SYN3: variants seen among roughly 807,000 people sequenced by gnomAD.
SYN3 encodes synapsin-3.
Under a neutral mutation model 65.8 loss-of-function variants are expected in SYN3, and 35 were observed. The observed-to-expected ratio is 0.53, with a 90% CI of 0.41 to 0.70. SYN3 has a LOEUF of 0.70. Ranked by LOEUF, SYN3 falls within the 30% of genes least tolerant of loss-of-function variation. SYN3 has a pLI of 0.00. For synonymous variants in SYN3, 270 were observed against 292.9 expected, an observed-to-expected ratio of 0.92 and a Z score of 0.80; for missense variants, 680 against 749.0, an observed-to-expected ratio of 0.91 and a Z score of 1.08.
chr22:32,929,516 G>T (rs1223521946), intron 4 of SYN3, among the ~76,000 whole-genome samples: 1 of 152,058 alleles, frequency 6.6e-6, no homozygotes, highest in Non-Finnish European at 1.5e-5. Flanking sequence ...TTATTTGAAG[G>T]ATCATTTGAA....
chr22:32,820,100 G>A (rs1263022496), intron 6 of SYN3, among the ~76,000 whole-genome samples: 1 of 152,084 alleles, frequency 6.6e-6, no homozygotes, highest in Non-Finnish European at 1.5e-5. Context: ...AAGGTGGAGT[G>A]TAGGTGTCGT....
intron 6 of SYN3, among the ~76,000 whole-genome samples, chr22:32,756,903 CTGAAATGT>C (rs1318798561): frequency 4.6e-5 from 7 of 152,214 alleles, no homozygotes; most frequent in African/African-American, 1.4e-4. Context: ...AACACACCAA[CTGAAATGT>C]TTCATTAACA....
chr22:32,568,120 C>T (rs1332506478), intron 7 of SYN3, among the ~76,000 whole-genome samples: 1 of 152,182 alleles, frequency 6.6e-6, no homozygotes, highest in Non-Finnish European at 1.5e-5. Flanking sequence ...CAGACCTTTG[C>T]TCCTAGCTGC....
intron 1 of SYN3, among the ~76,000 whole-genome samples, chr22:33,010,368 AG>A (rs558550489): frequency 7.5e-4 from 115 of 152,332 alleles, no homozygotes; most frequent in African/African-American, 2.5e-3. Context: ...GGTATGAAGT[AG>A]GGTATGAAGT....
At chr22:32,805,282 C>T (rs530813065) in intron 6 of SYN3, among the ~76,000 whole-genome samples, 36 of 152,260 alleles carry the variant, frequency 2.4e-4, no homozygotes, top group African/African-American at 7.0e-4. Context: ...CTGGATAGCT[C>T]CAAATTGTTC....
At chr22:32,781,895 C>CT (rs1555959051) in intron 6 of SYN3, among the ~76,000 whole-genome samples, 1 of 151,906 alleles carries the variant, frequency 6.6e-6, no homozygotes, top group Non-Finnish European at 1.5e-5. Flanking sequence ...AAACAGTTTT[C>CT]TTTTTTAAAC....
chr22:32,756,987 CTG>C (rs1049483757), intron 6 of SYN3, among the ~76,000 whole-genome samples: 89 of 151,818 alleles, frequency 5.9e-4, no homozygotes, highest in African/African-American at 2.1e-3. Context: ...TGATTAACAA[CTG>C]TCGGAAATGT....
chr22:32,831,853 C>G (rs188572608), intron 6 of SYN3, among the ~76,000 whole-genome samples: 7 of 152,114 alleles, frequency 4.6e-5, no homozygotes, highest in African/African-American at 7.2e-5. Flanking sequence ...CTGCACCCCC[C>G]CCAACCTCCA....
intron 6 of SYN3, among the ~76,000 whole-genome samples, chr22:32,825,747 C>T (rs1309618021): frequency 1.5e-5 from 2 of 129,974 alleles, no homozygotes; most frequent in Admixed American, 8.5e-5. Context: ...TTTATTTGTA[C>T]ATATGTGCAT....
chr22:32,983,002 G>A (rs2052414922), intron 2 of SYN3, among the ~76,000 whole-genome samples: 1 of 152,196 alleles, frequency 6.6e-6, no homozygotes, highest in African/African-American at 2.4e-5. Context: ...AAAAATAGCA[G>A]TGAAAATTGG....
chr22:32,849,184 G>C (rs956830842), intron 6 of SYN3, among the ~76,000 whole-genome samples: 1 of 152,124 alleles, frequency 6.6e-6, no homozygotes, highest in African/African-American at 2.4e-5. Context: ...GGGTCGGCGG[G>C]GGTTGACTAT....
chr22:32,868,093 T>C (rs2048737081), intron 5 of SYN3, among the ~76,000 whole-genome samples: 1 of 152,174 alleles, frequency 6.6e-6, no homozygotes, highest in Non-Finnish European at 1.5e-5. Flanking sequence ...AATGAAGGGT[T>C]GACACTCACT....
At chr22:32,681,800 A>G (rs2147115085) in intron 6 of SYN3, among the ~76,000 whole-genome samples, 1 of 152,354 alleles carries the variant, frequency 6.6e-6, no homozygotes, top group Admixed American at 6.5e-5. Flanking sequence ...TAGTTGTGGG[A>G]GACATACTAA....
chr22:32,613,913 G>T (rs1426833535), intron 6 of SYN3, among the ~76,000 whole-genome samples: 1 of 152,138 alleles, frequency 6.6e-6, no homozygotes, highest in East Asian at 1.9e-4. Flanking sequence ...AACACAGTGA[G>T]CACTTAAAAC....
intron 10 of SYN3, among the ~76,000 whole-genome samples, chr22:32,531,864 G>A (rs925758900): frequency 1.0e-5 from 1 of 99,888 alleles, no homozygotes; most frequent in African/African-American, 3.7e-5. Flanking sequence ...CTTGGGAGAC[G>A]TTGTTTTCTT....
intron 7 of SYN3, among the ~76,000 whole-genome samples, chr22:32,570,357 A>G (rs925393688): frequency 6.6e-6 from 1 of 152,236 alleles, no homozygotes; most frequent in African/African-American, 2.4e-5. Flanking sequence ...ACATTTCCCA[A>G]AAGCAGTAAA....
At chr22:32,863,699 C>G (rs1281161983) in intron 6 of SYN3, among the ~76,000 whole-genome samples, 1 of 152,172 alleles carries the variant, frequency 6.6e-6, no homozygotes, top group African/African-American at 2.4e-5. Context: ...ACTTTATATA[C>G]AGGATCTCAT....
chr22:33,016,510 A>T (rs2053469742), intron 1 of SYN3, among the ~76,000 whole-genome samples: 1 of 152,218 alleles, frequency 6.6e-6, no homozygotes, highest in Admixed American at 6.5e-5. Flanking sequence ...AAAAATTTAC[A>T]TTCCCACTCA....
intron 2 of SYN3, among the ~76,000 whole-genome samples, chr22:32,988,421 G>A (rs1002908144): frequency 2.0e-5 from 3 of 151,994 alleles, no homozygotes; most frequent in Non-Finnish European, 2.9e-5. Flanking sequence ...GATGTGGGGT[G>A]CAGGGGAAAT....
Sources: allele counts gnomAD v4.1 joint callset (sites outside exome capture counted in the v4.1 genomes callset), GRCh38; gene constraint gnomAD v4.1.1; transcripts MANE v1.5; gene names NCBI Gene and HGNC (gene_info 2026-07-23, HGNC 2026-07-21).